The following DPYD variants were observed in gnomAD, a reference collection of about 807,000 sequenced individuals.
DPYD encodes the protein dihydropyrimidine dehydrogenase, also known as dihydropyrimidine dehydrogenase [NADP(+)].
In DPYD, 109 loss-of-function variants were observed where a neutral mutation model predicts 116.2. That is an observed-to-expected ratio of 0.94 (90% CI 0.80 to 1.10). DPYD has a LOEUF of 1.10. DPYD is among the 50% of genes least tolerant of loss of function. The probability of loss-of-function intolerance (pLI) is 0.00; values close to 1 mark genes in which losing one functional copy is unlikely to be tolerated. For missense variants in DPYD, 1,302 were observed against 1,254.5 expected (o/e 1.04, Z -0.57); for synonymous variants, 440 against 432.0 (o/e 1.02, Z -0.23).
At chr1:97,254,495 C>T (rs1663323409) in intron 18 of DPYD, among the ~76,000 whole-genome samples, 1 of 151,996 alleles carries the variant, frequency 6.6e-6, no homozygotes, top group African/African-American at 2.4e-5. Context: ...GATGTCCAAT[C>T]ACCTTATGTA....
chr1:97,300,344 C>A lies in DPYD; in HGVS notation c.2299+4915G>T, dbSNP rs534727401. On this transcript the variant is annotated intron_variant, in intron 18 of 22. Transcript: ENST00000370192. ...TCAATGTTAAAGCCTAAGCTCTTAT[C>A]GATCAAGATGATTACAATAGATAGC... Among the ~76,000 whole-genome samples, 3 of 152,146 alleles carry A rather than the reference C, an allele frequency of 2.0e-5. No individual in the cohort carries two copies. The South Asian group carries it at 6.2e-4, about 32-fold the overall frequency.
intron 13 of DPYD, among the ~76,000 whole-genome samples, chr1:97,493,406 T>C (rs1679077334): frequency 6.6e-6 from 1 of 152,176 alleles, no homozygotes; most frequent in Non-Finnish European, 1.5e-5. Flanking sequence ...AACTTTTTCA[T>C]TGCCTTTGAA....
intron 20 of DPYD, among the ~76,000 whole-genome samples, chr1:97,100,786 A>G (rs184766239): frequency 1.3e-5 from 2 of 152,194 alleles, no homozygotes; most frequent in Admixed American, 1.3e-4. Flanking sequence ...TATTTCAACA[A>G]TGGTAATAAG....
intron 16 of DPYD, among the ~76,000 whole-genome samples, chr1:97,360,020 G>T (rs1366196521): frequency 6.6e-6 from 1 of 151,854 alleles, no homozygotes. Flanking sequence ...TGGCAAACTG[G>T]ATATTCAAGA....
intron 12 of DPYD, among the ~76,000 whole-genome samples, chr1:97,517,909 T>C (rs1006943974): frequency 3.3e-5 from 5 of 152,134 alleles, no homozygotes; most frequent in Admixed American, 1.3e-4. Context: ...TGTTGAAATA[T>C]CTATTTTTTT....
At chr1:97,910,519 C>T (rs1446677230) in intron 1 of DPYD, among the ~76,000 whole-genome samples, 2 of 151,978 alleles carry the variant, frequency 1.3e-5, no homozygotes, top group Non-Finnish European at 2.9e-5. Flanking sequence ...CACAACAATC[C>T]TGTAATGTAA....
intron 1 of DPYD, among the ~76,000 whole-genome samples, chr1:97,884,462 G>T (rs1369435601): frequency 1.3e-5 from 2 of 152,190 alleles, no homozygotes; most frequent in East Asian, 3.9e-4. Context: ...ACATGGAAGA[G>T]AGATTTAATT....
At chr1:97,408,084 C>T (rs936244634) in intron 14 of DPYD, among the ~76,000 whole-genome samples, 2 of 152,090 alleles carry the variant, frequency 1.3e-5, no homozygotes, top group South Asian at 2.1e-4. Context: ...TATTACCATG[C>T]CCTATGATTA....
At chr1:97,178,702 G>A (rs1157795001) in intron 20 of DPYD, among the ~76,000 whole-genome samples, 1 of 152,130 alleles carries the variant, frequency 6.6e-6, no homozygotes, top group African/African-American at 2.4e-5. Context: ...CAGGGCTAAA[G>A]AGCCAGCTAC....
intron 6 of DPYD, among the ~76,000 whole-genome samples, chr1:97,698,912 A>G (rs1320042053): frequency 6.6e-6 from 1 of 152,002 alleles, no homozygotes; most frequent in African/African-American, 2.4e-5. Flanking sequence ...CAAAAGTAAG[A>G]CTTAAGAAAT....
intron 16 of DPYD, among the ~76,000 whole-genome samples, chr1:97,373,299 T>C (rs909208024): frequency 1.3e-5 from 2 of 152,208 alleles, no homozygotes; most frequent in African/African-American, 4.8e-5. Context: ...GCTTCAGCGC[T>C]TTTAAAAACT....
intron 16 of DPYD, among the ~76,000 whole-genome samples, chr1:97,364,785 C>A (rs1430436586): frequency 6.6e-6 from 1 of 152,062 alleles, no homozygotes; most frequent in Non-Finnish European, 1.5e-5. Flanking sequence ...ACAAAAGAGC[C>A]TTCAGTCTTC....
chr1:97,318,473 A>G (rs1242321169), intron 16 of DPYD, among the ~76,000 whole-genome samples: 2 of 151,962 alleles, frequency 1.3e-5, no homozygotes, highest in East Asian at 3.9e-4. Context: ...AAAGATCAAA[A>G]GGGACAAAGA....
intron 10 of DPYD, among the ~76,000 whole-genome samples, chr1:97,577,021 A>C (rs1380441502): frequency 2.6e-5 from 4 of 152,250 alleles, no homozygotes. Context: ...GAAAGTATTA[A>C]TATTGGGAGA....
At chr1:97,558,524 C>A (rs1651910508) in intron 11 of DPYD, among the ~76,000 whole-genome samples, 2 of 152,070 alleles carry the variant, frequency 1.3e-5, no homozygotes, top group African/African-American at 4.8e-5. Context: ...TAGTGAATTT[C>A]TTTTGATCAA....
intron 8 of DPYD, among the ~76,000 whole-genome samples, chr1:97,641,305 T>C (rs1657885262): frequency 6.6e-6 from 1 of 152,068 alleles, no homozygotes; most frequent in Non-Finnish European, 1.5e-5. Flanking sequence ...TGGAGACATA[T>C]ATAATGAGCA....
In DPYD at chr1:97,270,056, T is replaced by G. The variant is rs114047526; in HGVS notation, c.2300-35062A>C. ...AGGTGCTTTTCGGAGGGACATAGGT[T>G]ATAAGCACCACGAAGGCCTGGGGCC... On this transcript the variant is annotated intron_variant, in intron 18 of 22. Transcript: ENST00000370192. Among the ~76,000 whole-genome samples the G allele has an allele frequency of 7.4e-3, 1,132 of 152,306 alleles. 13 individuals are homozygous for G. The highest frequency in any genetic ancestry group is 0.026 in the African/African-American group (1,086 of 41,562).
chr1:97,624,797 T>G (rs1380255022), intron 8 of DPYD, among the ~76,000 whole-genome samples: 4 of 152,020 alleles, frequency 2.6e-5, no homozygotes, highest in Non-Finnish European at 5.9e-5. Context: ...AAGGGAAATT[T>G]TATTATTTGT....
chr1:97,732,257 A>G (rs1663662503), intron 4 of DPYD, among the ~76,000 whole-genome samples: 1 of 152,052 alleles, frequency 6.6e-6, no homozygotes, highest in African/African-American at 2.4e-5. Flanking sequence ...CAGGTGGATC[A>G]TGAGGTCAGG....
Sources: gnomAD v4.1 joint callset for allele counts (sites outside exome capture counted in the v4.1 genomes callset) on GRCh38, gnomAD v4.1.1 for gene constraint, MANE v1.5 for transcripts, NCBI Gene and HGNC (gene_info 2026-07-23, HGNC 2026-07-21) for gene names.